Variants in KDM3B observed in about 807,000 individuals in gnomAD.
KDM3B encodes the protein lysine demethylase 3B, also known as lysine-specific demethylase 3B.
KDM3B carries 10 observed loss-of-function variants against 170.0 expected under a neutral mutation model. That is an observed-to-expected ratio of 0.06 (90% CI 0.04 to 0.10). The LOEUF is 0.10. Ranked by LOEUF, KDM3B falls within the 10% of genes least tolerant of loss-of-function variation. The pLI, the probability that KDM3B is intolerant of heterozygous loss-of-function variation, is 1.00. For missense variants in KDM3B, 1,394 were observed against 2,195.2 expected (o/e 0.64, Z 7.29); for synonymous variants, 831 against 834.8 (o/e 1.00, Z 0.08).
intron 13 of KDM3B, chr5:138,417,974 T>G (rs545534754): frequency 6.1e-6 from 1 of 163,244 alleles, no homozygotes; most frequent in East Asian, 1.7e-4. Flanking sequence ...TCCCTATCAC[T>G]GGATTCATCT....
At chr5:138,407,024 C>T (rs113260319) in intron 11 of KDM3B, among the ~76,000 whole-genome samples, 38,409 of 138,452 alleles carry the variant, frequency 0.28, 6,013 homozygotes, top group South Asian at 0.41. Flanking sequence ...CTATCTCTGT[C>T]GCCCGGGCTG....
intron 11 of KDM3B, among the ~76,000 whole-genome samples, chr5:138,402,558 T>C (rs1324801083): frequency 6.6e-6 from 1 of 152,210 alleles, no homozygotes; most frequent in Non-Finnish European, 1.5e-5. Flanking sequence ...ATGGTTAGAA[T>C]AGGACCTGAC....
chr5:138,419,728 T>TATATATACACAC (rs1389498563), intron 14 of KDM3B, among the ~76,000 whole-genome samples: 1 of 122,186 alleles, frequency 8.2e-6, no homozygotes, highest in African/African-American at 3.3e-5. Context: ...TACACACACA[T>TATATATACACAC]ACACACACAC....
At chr5:138,380,796 C>T (rs969367392) in intron 5 of KDM3B, among the ~76,000 whole-genome samples, 1 of 152,066 alleles carries the variant, frequency 6.6e-6, no homozygotes, top group African/African-American at 2.4e-5. Context: ...TGGTCTCGAA[C>T]TCCTGGTCCT....
At chr5:138,400,152 A>T (rs1762645906) in intron 11 of KDM3B, 140 bp downstream of exon 11, 1 of 754,338 alleles carries the variant, frequency 1.3e-6, no homozygotes, top group Non-Finnish European at 2.1e-6. Context: ...TTGTATTTTA[A>T]GACCTTAAAA....
chr5:138,394,871 T>A (rs1287523868), intron 9 of KDM3B, among the ~76,000 whole-genome samples: 1 of 152,138 alleles, frequency 6.6e-6, no homozygotes, highest in Non-Finnish European at 1.5e-5. Context: ...AAGTGAGAAA[T>A]GATGGGGCTT....
chr5:138,382,762 C>T (rs1442394540), intron 6 of KDM3B, among the ~76,000 whole-genome samples: 1 of 152,066 alleles, frequency 6.6e-6, no homozygotes, highest in Non-Finnish European at 1.5e-5. Context: ...GGATGACAGG[C>T]ATGAGCCACT....
chr5:138,356,193 G>C (rs149788662), intron 1 of KDM3B, among the ~76,000 whole-genome samples: 2 of 152,144 alleles, frequency 1.3e-5, no homozygotes, highest in African/African-American at 4.8e-5. Flanking sequence ...TAATATACTT[G>C]TATACATATT....
intron 18 of KDM3B, 25 bp downstream of exon 18, chr5:138,427,090 CT>C: frequency 1.2e-6 from 2 of 1,610,864 alleles, no homozygotes; most frequent in Non-Finnish European, 1.7e-6. Flanking sequence ...GTGGTGTCAT[CT>C]TCAGAAGCCA....
chr5:138,381,725 C>G (rs1561766916), intron 6 of KDM3B, 135 bp downstream of exon 6: 4 of 613,122 alleles, frequency 6.5e-6, no homozygotes, highest in Non-Finnish European at 8.8e-6. Context: ...TTTTTTTGCT[C>G]TCTCCACAGT....
In KDM3B at chr5:138,391,429, C is replaced by T; in HGVS notation, c.1797C>T (p.Pro599=). 1 of 1,613,852 alleles carries T rather than the reference C, an allele frequency of 6.2e-7. No homozygotes were observed. Residue 599 remains proline (P), a synonymous_variant, in exon 8 of 24, where the codon CCC becomes CCT. Transcript: ENST00000314358. This position sits in a 1 kb window ranked among gnomAD's most constrained non-coding sequence, Gnocchi z 5.0. ...VDRKVPAESM[P]TLTPAFPRSL... is the part of the protein sequence containing the mutation. ...GGAAAGTGCCTGCAGAGTCCATGCC[C>T]ACCCTCACTCCAGCCTTCCCACGGA...
chr5:138,430,250 T>C lies in KDM3B; in HGVS notation c.4895T>C (p.Val1632Ala), dbSNP rs1409133876. Residue 1632 changes from valine (V) to alanine (A), a missense_variant and splice_region_variant, in exon 22 of 24, where the codon GTT (valine) becomes GCT (alanine). Physicochemically the swap from Val to Ala is moderately conservative, Grantham distance 64. This residue lies in a region of KDM3B where 79 missense variants were observed against 270.5 expected (regional missense o/e 0.29). Coordinates refer to ENST00000314358, the MANE Select transcript of KDM3B (RefSeq NM_016604.4). Reference protein sequence around the residue: ...AEKIRELLRKVGEEQGQENPP... With the variant: ...AEKIRELLRKAGEEQGQENPP... ...CTTTGGATTTGATTATGGCTTCAGG[T>C]TGGAGAAGAACAAGGCCAAGAGAAC... The C allele has an allele frequency of 1.2e-6, 2 of 1,613,464 alleles. No homozygotes were observed. Among genetic ancestry groups the C allele is most frequent in the Admixed American group, 1.7e-5 (1 of 59,904 alleles).
intron 1 of KDM3B, among the ~76,000 whole-genome samples, chr5:138,353,324 T>G (rs1761376227): frequency 6.6e-6 from 1 of 152,142 alleles, no homozygotes; most frequent in African/African-American, 2.4e-5. Flanking sequence ...CCCGGGAGCC[T>G]CAGAGTTCGG....
chr5:138,433,480 C>A (rs978119945), intron 23 of KDM3B, among the ~76,000 whole-genome samples: 7 of 149,146 alleles, frequency 4.7e-5, no homozygotes, highest in African/African-American at 1.7e-4. Flanking sequence ...GATCTTGGCT[C>A]AACTGCATCC....
At chr5:138,393,083 A>G (rs1762473542) in intron 8 of KDM3B, 88 bp from the exon 9 acceptor site, 2 of 1,248,828 alleles carry the variant, frequency 1.6e-6, no homozygotes, top group Non-Finnish European at 2.3e-6. Context: ...AACCCAGGTC[A>G]GAACAAATGT....
intron 11 of KDM3B, among the ~76,000 whole-genome samples, chr5:138,411,625 C>G (rs1481686727): frequency 2.0e-5 from 3 of 151,868 alleles, no homozygotes; most frequent in African/African-American, 7.2e-5. Context: ...TATTTGTATC[C>G]TTGCACTAAA....
Position 138,399,558 on chromosome 5 carries a change from T to A in KDM3B, c.3047-302T>A, listed in dbSNP as rs566182415. ...ATCTCAAAAAAATATATATATATAT[T>A]TTTTTACAATTCCTTAAGTGACAAC... On this transcript the variant is annotated intron_variant, in intron 10 of 23. Transcript: ENST00000314358. 7.6e-4 allele frequency among the ~76,000 whole-genome samples: 116 copies of A among 151,840 alleles called. 1 individual carries two copies. The highest frequency in any genetic ancestry group is 5.4e-3 in the East Asian group (28 of 5,154).
intron 1 of KDM3B, among the ~76,000 whole-genome samples, chr5:138,365,229 T>C (rs1761714626): frequency 6.6e-6 from 1 of 152,182 alleles, no homozygotes; most frequent in Non-Finnish European, 1.5e-5. Context: ...ATTTCTCAAA[T>C]ATACTTTACA....
intron 22 of KDM3B, 39 bp downstream of exon 22, chr5:138,430,464 G>T: frequency 6.4e-7 from 1 of 1,565,170 alleles, no homozygotes; most frequent in East Asian, 2.3e-5. Context: ...ACAGTTCCAT[G>T]GGCTTTCTTA....
Sources: allele counts gnomAD v4.1 joint callset (sites outside exome capture counted in the v4.1 genomes callset), GRCh38; gene constraint gnomAD v4.1.1; regional missense constraint gnomAD v4.1.1; non-coding constraint Gnocchi (gnomAD v3.1); transcripts MANE v1.5; gene names NCBI Gene and HGNC (gene_info 2026-07-23, HGNC 2026-07-21).